The following CNGB3 variants were observed in gnomAD, a reference collection of about 807,000 sequenced individuals.
CNGB3 encodes cyclic nucleotide-gated channel beta-3.
In CNGB3, 86 loss-of-function variants were observed where a neutral mutation model predicts 92.8. The observed-to-expected ratio is 0.93, with a 90% CI of 0.78 to 1.11. The LOEUF (loss-of-function observed/expected upper bound fraction) is 1.11. Among genes scored for constraint, CNGB3 ranks in the 50% least tolerant of loss-of-function variants. The pLI is 0.00. For missense variants in CNGB3, 1,026 were observed against 956.8 expected, an observed-to-expected ratio of 1.07 and a Z score of -0.95; for synonymous variants, 333 against 332.7, an observed-to-expected ratio of 1.00 and a Z score of -0.01.
intron 13 of CNGB3, among the ~76,000 whole-genome samples, chr8:86,615,334 G>A (rs754333949): frequency 2.0e-4 from 30 of 152,160 alleles, no homozygotes; most frequent in Non-Finnish European, 3.8e-4. Context: ...GCCGGGTGTG[G>A]TGGCTCACAC....
chr8:86,598,988 T>C (rs1585960233), intron 15 of CNGB3, among the ~76,000 whole-genome samples: 1 of 152,194 alleles, frequency 6.6e-6, no homozygotes, highest in East Asian at 1.9e-4. Flanking sequence ...ATCCTTTACA[T>C]ACCCCTCAGT....
At chr8:86,624,038 G>GC (rs1822794690) in intron 13 of CNGB3, among the ~76,000 whole-genome samples, 1 of 152,148 alleles carries the variant, frequency 6.6e-6, no homozygotes, top group Non-Finnish European at 1.5e-5. Context: ...TCTTCACACA[G>GC]CAGGAAAGAT....
intron 3 of CNGB3, chr8:86,704,279 T>C (rs1194419408): frequency 1.3e-5 from 2 of 152,280 alleles, no homozygotes; most frequent in Non-Finnish European, 2.9e-5. Flanking sequence ...TGTCCTCATG[T>C]TGAGTAGGCT....
At chr8:86,601,195 A>T (rs1362483052) in intron 15 of CNGB3, among the ~76,000 whole-genome samples, 1 of 152,206 alleles carries the variant, frequency 6.6e-6, no homozygotes, top group Non-Finnish European at 1.5e-5. Flanking sequence ...GCAACACAAG[A>T]ATAAAAACTC....
chr8:86,738,486 T>G (rs1825283806), intron 2 of CNGB3, among the ~76,000 whole-genome samples: 1 of 151,824 alleles, frequency 6.6e-6, no homozygotes, highest in Non-Finnish European at 1.5e-5. Flanking sequence ...GGCCTGGGGG[T>G]AGTGCAGACA....
chr8:86,635,821 GATATATATATAT>G (rs57486853), intron 10 of CNGB3, among the ~76,000 whole-genome samples: 1,182 of 60,592 alleles, frequency 0.02, 37 homozygotes, highest in African/African-American at 0.07. Flanking sequence ...TATAACACAT[GATATATATATAT>G]ATATATATAT....
chr8:86,577,132 AAGAG>A (rs3077256), intron 17 of CNGB3, among the ~76,000 whole-genome samples: 40,512 of 151,268 alleles, frequency 0.27, 5,921 homozygotes, highest in Admixed American at 0.41. Flanking sequence ...ACCAAAAAAA[AAGAG>A]AGAGAGAGAG....
At chr8:86,661,684 T>C in intron 6 of CNGB3, 2 of 1,077,028 alleles carry the variant, frequency 1.9e-6, no homozygotes, top group Admixed American at 1.8e-5. Context: ...CTTCCTCTTC[T>C]TCTGAAGTCA....
chr8:86,742,285 T>C (rs1825356363), intron 1 of CNGB3, among the ~76,000 whole-genome samples: 1 of 152,190 alleles, frequency 6.6e-6, no homozygotes, highest in Non-Finnish European at 1.5e-5. Context: ...AGCTCAATAT[T>C]TGTGACATTG....
chr8:86,630,368 G>C (rs938787442), intron 11 of CNGB3, among the ~76,000 whole-genome samples: 2 of 152,198 alleles, frequency 1.3e-5, no homozygotes, highest in African/African-American at 4.8e-5. Flanking sequence ...ATTGATTGCT[G>C]TTGAGGCTCC....
intron 13 of CNGB3, among the ~76,000 whole-genome samples, chr8:86,623,865 A>G (rs1822790898): frequency 6.6e-6 from 1 of 152,206 alleles, no homozygotes; most frequent in South Asian, 2.1e-4. Flanking sequence ...TCAAACAGGA[A>G]AAACTATGGG....
chr8:86,658,015 T>C (rs1823548533), intron 6 of CNGB3: 3 of 546,818 alleles, frequency 5.5e-6, no homozygotes, highest in South Asian at 1.5e-5. Flanking sequence ...CATCTGCTCC[T>C]TCAGGTCCAC....
chr8:86,702,000 T>C (rs1181932202), intron 3 of CNGB3, among the ~76,000 whole-genome samples: 1 of 152,194 alleles, frequency 6.6e-6, no homozygotes, highest in Non-Finnish European at 1.5e-5. Flanking sequence ...AGTTTGAAAA[T>C]ATATATTTGA....
intron 3 of CNGB3, among the ~76,000 whole-genome samples, chr8:86,693,889 C>T (rs1824371260): frequency 6.6e-6 from 1 of 152,102 alleles, no homozygotes; most frequent in Admixed American, 6.5e-5. Flanking sequence ...CAATCTTTTC[C>T]CCACCCTTCC....
At chr8:86,691,260 T>C (rs1824306094) in intron 3 of CNGB3, among the ~76,000 whole-genome samples, 1 of 152,182 alleles carries the variant, frequency 6.6e-6, no homozygotes, top group Admixed American at 6.5e-5. Context: ...TTATAAGATC[T>C]AGGAGCTTTT....
chr8:86,621,366 A>G (rs1822723186), intron 13 of CNGB3, among the ~76,000 whole-genome samples: 1 of 152,240 alleles, frequency 6.6e-6, no homozygotes, highest in Non-Finnish European at 1.5e-5. Context: ...ACACATAAAT[A>G]TGTATATGTG....
At position 86,644,616 on chromosome 8, in the gene CNGB3, C is replaced by A; in HGVS notation, c.1055+6G>T. 1 of 1,600,544 alleles carries A rather than the reference C, an allele frequency of 6.2e-7. No homozygotes were observed. On this transcript the variant is annotated splice_donor_region_variant and intron_variant, in intron 9 of 17. Coordinates refer to ENST00000320005, the MANE Select transcript of CNGB3 (RefSeq NM_019098.5). Reference sequence around the variant, plus strand: ...CTTCCCCCAAGTATACTGAGTTATACTTTACCTGTAGATATATGCTTTGTC... The same window carrying A: ...CTTCCCCCAAGTATACTGAGTTATAATTTACCTGTAGATATATGCTTTGTC...
chr8:86,632,734 G>T lies in CNGB3; in HGVS notation c.1320+18C>A. 1 of 1,612,180 alleles carries T rather than the reference G, an allele frequency of 6.2e-7. No individual in the cohort carries two copies. Among genetic ancestry groups the T allele is most frequent in the South Asian group, 1.1e-5 (1 of 90,898 alleles). ...AAAATGACAGCACTGTGTATCCAGT[G>T]ATTCATACTCAGCTTACCTGACCAA... On this transcript the variant is annotated intron_variant, in intron 11 of 17. Coordinates refer to ENST00000320005, the MANE Select transcript of CNGB3 (RefSeq NM_019098.5).
chr8:86,634,451 C>A (rs574581706), intron 10 of CNGB3, among the ~76,000 whole-genome samples: 13 of 152,212 alleles, frequency 8.5e-5, no homozygotes, highest in African/African-American at 3.1e-4. Context: ...TGTGATGTAA[C>A]CTCATCAGAA....
Sources: allele counts gnomAD v4.1 joint callset (sites outside exome capture counted in the v4.1 genomes callset), GRCh38; gene constraint gnomAD v4.1.1; transcripts MANE v1.5; gene names NCBI Gene and HGNC (gene_info 2026-07-23, HGNC 2026-07-21).